Variants in DLG4 observed in about 807,000 individuals in gnomAD.
DLG4 encodes the protein disks large homolog 4.
A neutral mutation model predicts 93.8 loss-of-function variants in DLG4; 7 were observed. The ratio of observed to expected loss-of-function variants is 0.07; its 90% CI spans 0.04 to 0.14. The LOEUF (loss-of-function observed/expected upper bound fraction) is 0.14, where lower values mean the gene tolerates loss of function less well. Ranked by LOEUF, DLG4 falls within the 10% of genes least tolerant of loss-of-function variation. The pLI is 1.00. For missense variants in DLG4, 545 were observed against 992.9 expected, an observed-to-expected ratio of 0.55 and a Z score of 6.06; for synonymous variants, 341 against 387.6, an observed-to-expected ratio of 0.88 and a Z score of 1.41.
Position 7,194,399 on chromosome 17 carries a change from A to T in DLG4, c.1398T>A (p.Ser466Arg). Reference sequence around the variant, plus strand: ...GCCGTGCCTGCCACCACTCCTCATCACTAGCATCGATGACATGCAGCACAT... The same window carrying T: ...GCCGTGCCTGCCACCACTCCTCATCTCTAGCATCGATGACATGCAGCACAT... ...FGDVLHVIDASDEEWWQARRV... is the reference protein window; with the variant it reads ...FGDVLHVIDARDEEWWQARRV... Residue 466 changes from serine (S) to arginine (R), a missense_variant, in exon 12 of 20, where the codon AGT (serine) becomes AGA (arginine). This residue lies in a region of DLG4 where 428 missense variants were observed against 741.4 expected (regional missense o/e 0.58). Transcript: ENST00000399506. This position sits in a 1 kb window ranked among gnomAD's most constrained non-coding sequence, Gnocchi z 4.4. The T allele has an allele frequency of 6.2e-7, 1 of 1,613,050 alleles. No individual in the cohort carries two copies.
rs1004325506 is a variant in DLG4 at position 7,193,307 on chromosome 17, C to T, written c.1693+176G>A. On this transcript the variant is annotated intron_variant, in intron 16 of 19. Transcript: ENST00000399506. This position sits in a 1 kb window ranked among gnomAD's most constrained non-coding sequence, Gnocchi z 6.7. ...CCTCCAGGGCCTCCAAGTCTCTGGC[C>T]TGGGCATGGGTACTATGGAATGAGA... Among the ~76,000 whole-genome samples the T allele has an allele frequency of 2.0e-5, 3 of 152,132 alleles. No individual in the cohort carries two copies. The highest frequency in any genetic ancestry group is 7.2e-5 in the African/African-American group (3 of 41,434).
At chr17:7,206,331 A>G (rs1448407357) in intron 2 of DLG4, among the ~76,000 whole-genome samples, 1 of 152,066 alleles carries the variant, frequency 6.6e-6, no homozygotes, top group Non-Finnish European at 1.5e-5. Flanking sequence ...ATTATTCTCA[A>G]GTAACAATCT....
upstream of DLG4, chr17:7,217,860 G>T (rs1310507949): frequency 1.3e-6 from 2 of 1,521,034 alleles, no homozygotes; most frequent in Admixed American, 2.0e-5. Context: ...CTATAGTTGG[G>T]CTGGGAGCAC....
chr17:7,209,088 T>C (rs533081765), intron 1 of DLG4, among the ~76,000 whole-genome samples: 1 of 152,212 alleles, frequency 6.6e-6, no homozygotes, highest in South Asian at 2.1e-4. Context: ...GGTGCCAGCC[T>C]CCCTGGTTGG....
rs948640288 is a variant in DLG4 at position 7,217,556 on chromosome 17, T to C, written c.-409A>G. ...GGGGCTAGGGGCCGTGGCGGGGGAG[T>C]GGGGTGGGGGGGTTGGAAACGGCAG... On this transcript the variant is annotated 5_prime_UTR_variant, in exon 1 of 20. Coordinates refer to ENST00000399506, the MANE Select transcript of DLG4 (RefSeq NM_001321075.3). The C allele has an allele frequency of 1.0e-5, 1 of 95,614 alleles. No individual in the cohort carries two copies. The highest frequency in any genetic ancestry group is 9.5e-4 in the Admixed American group (1 of 1,056). 5.9% of individuals were successfully genotyped at this position (95,614 alleles called of 1,614,324 possible).
At chr17:7,218,275 A>G (rs754522496), upstream of DLG4, 1 of 1,609,294 alleles carries the variant, frequency 6.2e-7, no homozygotes, top group South Asian at 1.1e-5. Context: ...ATAATAGTCC[A>G]GGATGTCTGT....
intron 19 of DLG4, 141 bp from the exon 20 acceptor site, chr17:7,190,955 G>T: frequency 1.6e-6 from 1 of 623,452 alleles, no homozygotes. Context: ...CCGCCCACAG[G>T]GGCACCTCTT....
At chr17:7,216,425 C>CT (rs765072986) in intron 1 of DLG4, among the ~76,000 whole-genome samples, 2 of 152,192 alleles carry the variant, frequency 1.3e-5, no homozygotes, top group Non-Finnish European at 2.9e-5. Flanking sequence ...CTTCTGCCTC[C>CT]TATGGGAGTA....
upstream of DLG4, chr17:7,219,597 TTC>T: frequency 8.6e-7 from 1 of 1,167,140 alleles, no homozygotes; most frequent in Non-Finnish European, 1.1e-6. Context: ...TACCTTACAC[TTC>T]TCTTTCCCTA....
chr17:7,196,788 C>A lies in DLG4; in HGVS notation c.1052G>T (p.Gly351Val). Reference protein sequence around the residue: ...ILAGGPADLSGELRKGDQILS... With the variant: ...ILAGGPADLSVELRKGDQILS... Reference sequence around the variant, plus strand: ...GATCTGGTCCCCCTTCCGCAGCTCCCCACTGAGGTCTGCAGGGCCCCCGGC... The same window carrying A: ...GATCTGGTCCCCCTTCCGCAGCTCCACACTGAGGTCTGCAGGGCCCCCGGC... The change falls in exon 9 of 20, where the codon GGG becomes GTG. Residue 351 changes from glycine to valine, a missense_variant. Coordinates refer to ENST00000399506, the MANE Select transcript of DLG4 (RefSeq NM_001321075.3). This position sits in a 1 kb window ranked among gnomAD's most constrained non-coding sequence, Gnocchi z 8.3. 1 of 1,610,792 alleles carries A rather than the reference C, an allele frequency of 6.2e-7. No homozygotes were observed. Among genetic ancestry groups the A allele is most frequent in the East Asian group, 2.2e-5 (1 of 44,672 alleles).
In DLG4 at chr17:7,193,623, G is replaced by T. The variant is rs1456927520; in HGVS notation, c.1592-39C>A. 1.2e-5 allele frequency: 19 copies of T among 1,529,976 alleles called. No homozygotes were observed. Among genetic ancestry groups the T allele is most frequent in the Non-Finnish European group, 1.6e-5 (18 of 1,141,256 alleles). The allele number at this position is 1,529,976 out of a possible 1,614,324, so 94.8% of individuals were successfully genotyped here. On this transcript the variant is annotated intron_variant, in intron 15 of 19. Transcript: ENST00000399506. This position sits in a 1 kb window ranked among gnomAD's most constrained non-coding sequence, Gnocchi z 6.7. The stretch of plus-strand genomic sequence containing the variant: ...CTGGCTTAGGCCGAGCGCAGGGTTG[G>T]GGGAGCAGCAAGTGCTGGGGCCAAG...
In DLG4 at chr17:7,195,771, A is replaced by G. The variant is rs2069744505; in HGVS notation, c.1301+449T>C. On this transcript the variant is annotated intron_variant, in intron 11 of 19. Transcript: ENST00000399506. The surrounding 1 kb of genome is among the most constrained non-coding windows in gnomAD (Gnocchi z 4.3). ...GAAACCTAAGCCACAAAAAGAGTCA[A>G]TGGAGACGAGCCCTAAGAGGGGAGC... Among the ~76,000 whole-genome samples the G allele has an allele frequency of 1.3e-5, 2 of 152,152 alleles. No homozygotes were observed. Among genetic ancestry groups the G allele is most frequent in the South Asian group, 4.1e-4 (2 of 4,832 alleles).
chr17:7,207,985 G>GCT, intron 2 of DLG4, 189 bp downstream of exon 2: 2 of 1,089,274 alleles, frequency 1.8e-6, no homozygotes, highest in Non-Finnish European at 2.3e-6. Context: ...CCTCCCCACG[G>GCT]CTCTCTCTCA....
In DLG4 at chr17:7,194,624, C is replaced by G. The variant is rs960445571; in HGVS notation, c.1302-129G>C. 4 of 967,300 alleles carry G rather than the reference C, an allele frequency of 4.1e-6. No individual in the cohort carries two copies. The South Asian group carries it at 6.8e-5, about 16-fold the overall frequency. The allele number at this position is 967,300 out of a possible 1,614,324, so 59.9% of individuals were successfully genotyped here. A position where few individuals can be genotyped will look rare whatever the true frequency, so the allele number is the denominator to read the frequency against. On this transcript the variant is annotated intron_variant, in intron 11 of 19. Transcript: ENST00000399506. This position sits in a 1 kb window ranked among gnomAD's most constrained non-coding sequence, Gnocchi z 4.4. ...TGGGAGCTATGGATGCCGAGGAACC[C>G]AAAACTGTGTGGGGACCAAACGCTG...
upstream of DLG4, among the ~76,000 whole-genome samples, chr17:7,218,021 A>G (rs968249309): frequency 1.3e-5 from 2 of 151,812 alleles, no homozygotes; most frequent in East Asian, 3.9e-4. Flanking sequence ...TAGACTCTTT[A>G]GTGCCTGAAA....
In DLG4 at chr17:7,190,492, A is replaced by AC; in HGVS notation, c.*215dup. ...AACAAGGAGCCCAGCTCCCCCCCAG[A>AC]CCCCAGGTTCCTGGCGTTCAGGAGC... is the stretch of plus-strand genomic sequence containing the variant. On this transcript the variant is annotated 3_prime_UTR_variant, in exon 20 of 20. Coordinates refer to ENST00000399506, the MANE Select transcript of DLG4 (RefSeq NM_001321075.3). The AC allele has an allele frequency of 1.8e-6, 1 of 561,576 alleles. No individual in the cohort carries two copies. The highest frequency in any genetic ancestry group is 3.2e-6 in the Non-Finnish European group (1 of 313,364). The allele number at this position is 561,576 out of a possible 1,614,324, so 34.8% of individuals were successfully genotyped here. A position where few individuals can be genotyped will look rare whatever the true frequency, so the allele number is the denominator to read the frequency against.
chr17:7,209,022 C>A (rs1040905147), intron 1 of DLG4, among the ~76,000 whole-genome samples: 3 of 152,130 alleles, frequency 2.0e-5, no homozygotes, highest in African/African-American at 7.2e-5. Context: ...AGGGCATGGG[C>A]TGGGGGAGGA....
At chr17:7,192,899 G>A (rs748782114) in intron 17 of DLG4, 46 bp downstream of exon 17, 61 of 1,540,570 alleles carry the variant, frequency 4.0e-5, no homozygotes, top group Non-Finnish European at 3.5e-5. Context: ...GCAGTGGGGT[G>A]GGGAGAGGGG....
In DLG4 at chr17:7,187,218, G is replaced by A. The variant is rs1437676871; in HGVS notation, c.*3490C>T. 1.3e-5 allele frequency among the ~76,000 whole-genome samples: 2 copies of A among 150,082 alleles called. No homozygotes were observed. Among genetic ancestry groups the A allele is most frequent in the African/African-American group, 4.9e-5 (2 of 41,094 alleles). The stretch of plus-strand genomic sequence containing the variant: ...TCTATATTTATTTGAATTGTTGTCA[G>A]GTACGTGTACTGATTATAATTTACA... On this transcript the variant is annotated 3_prime_UTR_variant, in exon 20 of 20. Transcript: ENST00000399506.
Sources: gnomAD v4.1 joint callset for allele counts (sites outside exome capture counted in the v4.1 genomes callset) on GRCh38, gnomAD v4.1.1 for gene constraint, gnomAD v4.1.1 regional missense constraint, Gnocchi (gnomAD v3.1) non-coding constraint, MANE v1.5 for transcripts, NCBI Gene and HGNC (gene_info 2026-07-23, HGNC 2026-07-21) for gene names.